Variants in TSHZ2 observed in about 807,000 individuals in gnomAD.
TSHZ2 encodes teashirt homolog 2.
A neutral mutation model predicts 74.4 loss-of-function variants in TSHZ2; 21 were observed. That is an observed-to-expected ratio of 0.28 (90% confidence interval 0.20 to 0.41). The LOEUF is 0.41. TSHZ2 is among the 10% of genes least tolerant of loss of function. The pLI is 1.00. For missense variants in TSHZ2, 1,244 were observed against 1,293.5 expected (o/e 0.96, Z 0.59); for synonymous variants, 540 against 515.3 (o/e 1.05, Z -0.65).
chr20:53,244,349 C>T (rs1393154219), intron 1 of TSHZ2, among the ~76,000 whole-genome samples: 4 of 152,138 alleles, frequency 2.6e-5, no homozygotes, highest in African/African-American at 7.2e-5. Flanking sequence ...AAAGTCAACA[C>T]CTAAAAATCT....
At chr20:53,088,815 C>T (rs951306261) in intron 1 of TSHZ2, among the ~76,000 whole-genome samples, 1 of 152,080 alleles carries the variant, frequency 6.6e-6, no homozygotes, top group Non-Finnish European at 1.5e-5. Context: ...ATCCAGAGTA[C>T]CACACAGCAA....
At chr20:53,189,068 T>C (rs1206650808) in intron 1 of TSHZ2, among the ~76,000 whole-genome samples, 2 of 152,224 alleles carry the variant, frequency 1.3e-5, no homozygotes, top group Non-Finnish European at 2.9e-5. Flanking sequence ...AGGATTTGCA[T>C]ATCATTTATT....
At chr20:53,206,182 G>T (rs892816035) in intron 1 of TSHZ2, among the ~76,000 whole-genome samples, 3 of 152,160 alleles carry the variant, frequency 2.0e-5, no homozygotes, top group Non-Finnish European at 2.9e-5. Flanking sequence ...TTGCACCGCT[G>T]CACTCCAGCC....
chr20:53,185,380 T>C (rs1480376133), intron 1 of TSHZ2: 1 of 1,229,652 alleles, frequency 8.1e-7, no homozygotes, highest in African/African-American at 1.5e-5. Context: ...AGCCTCTGAC[T>C]TAAGATGATG....
In TSHZ2 at chr20:53,086,217, G is replaced by A. The variant is rs138599288; in HGVS notation, c.40+112884G>A. Among the ~76,000 whole-genome samples, 744 of 152,330 alleles carry A rather than the reference G, an allele frequency of 4.9e-3. 2 individuals are homozygous for A. Among genetic ancestry groups the A allele is most frequent in the Non-Finnish European group, 8.3e-3 (564 of 68,026 alleles). On this transcript the variant is annotated intron_variant, in intron 1 of 2. Transcript: ENST00000371497. ...AACAACAAAAATGTCTAAGGAGGGC[G>A]CTGGCATAGACCAGGGAATTGATGC...
chr20:53,478,193 C>A (rs1986039048), intron 2 of TSHZ2, among the ~76,000 whole-genome samples: 1 of 150,718 alleles, frequency 6.6e-6, no homozygotes, highest in South Asian at 2.1e-4. Flanking sequence ...AATCATGCTG[C>A]TATAAAGACA....
At chr20:53,167,436 G>A (rs1988088673) in intron 1 of TSHZ2, among the ~76,000 whole-genome samples, 1 of 152,198 alleles carries the variant, frequency 6.6e-6, no homozygotes, top group African/African-American at 2.4e-5. Flanking sequence ...GTAGGAAGCA[G>A]GGAAGTCAGG....
chr20:53,425,234 A>G (rs1263782017), intron 2 of TSHZ2, among the ~76,000 whole-genome samples: 1 of 152,214 alleles, frequency 6.6e-6, no homozygotes, highest in Non-Finnish European at 1.5e-5. Flanking sequence ...GCAGAGCAGA[A>G]ATATAGTGCA....
rs148599040 is a variant in TSHZ2, at chr20:53,319,405, A to C, written c.*8+62834A>C. ...TGACACTCCCATTTTACAGATGAGG[A>C]AACTGAGTTTCAGAGAGTTTAAACA... On this transcript the variant is annotated intron_variant, in intron 2 of 2. Transcript: ENST00000371497. 7.2e-5 allele frequency among the ~76,000 whole-genome samples: 11 copies of C among 152,368 alleles called. No homozygotes were observed. In the East Asian group the frequency reaches 2.1e-3, roughly 29 times the overall value.
intron 2 of TSHZ2, among the ~76,000 whole-genome samples, chr20:53,453,428 A>C (rs1984892888): frequency 6.6e-6 from 1 of 152,178 alleles, no homozygotes; most frequent in Admixed American, 6.5e-5. Context: ...AACAACAACA[A>C]ATTAAATGTT....
chr20:53,176,815 T>C (rs1206003688), intron 1 of TSHZ2, among the ~76,000 whole-genome samples: 1 of 151,050 alleles, frequency 6.6e-6, no homozygotes, highest in African/African-American at 2.4e-5. Flanking sequence ...GCCTCCCGAG[T>C]AGCTGGGACT....
In TSHZ2 at chr20:53,350,552, G is replaced by A. The variant is rs150517898; in HGVS notation, c.*8+93981G>A. Among the ~76,000 whole-genome samples, 3 of 152,336 alleles carry A rather than the reference G, an allele frequency of 2.0e-5. No homozygotes were observed. In the East Asian group the frequency reaches 5.8e-4, roughly 29 times the overall value. On this transcript the variant is annotated intron_variant, in intron 2 of 2. Coordinates refer to ENST00000371497, the MANE Select transcript of TSHZ2 (RefSeq NM_173485.6). The stretch of plus-strand genomic sequence containing the variant: ...TGGCTGTAAGTTTCATTGTGACCTT[G>A]TATCCTACTTGATAGGTTTAAGATA...
chr20:53,188,470 G>A (rs954274638), intron 1 of TSHZ2, among the ~76,000 whole-genome samples: 2 of 152,142 alleles, frequency 1.3e-5, no homozygotes, highest in African/African-American at 2.4e-5. Flanking sequence ...GATTTCTCTA[G>A]GACAGAGAAG....
chr20:53,199,542 C>T (rs2123568738), intron 1 of TSHZ2, among the ~76,000 whole-genome samples: 1 of 152,322 alleles, frequency 6.6e-6, no homozygotes, highest in East Asian at 1.9e-4. Flanking sequence ...ACATCTTCTA[C>T]AGTCCCCAGT....
At chr20:53,158,435 C>T (rs1987848515) in intron 1 of TSHZ2, among the ~76,000 whole-genome samples, 2 of 152,060 alleles carry the variant, frequency 1.3e-5, no homozygotes, top group South Asian at 2.1e-4. Context: ...CTGTGGCAGT[C>T]GGTAGTGGCT....
chr20:53,400,788 G>A (rs1250379646), intron 2 of TSHZ2, among the ~76,000 whole-genome samples: 1 of 152,178 alleles, frequency 6.6e-6, no homozygotes, highest in Non-Finnish European at 1.5e-5. Flanking sequence ...GATGTGTTGT[G>A]TAACTTGGGC....
chr20:53,338,287 C>T (rs1378740912), intron 2 of TSHZ2, among the ~76,000 whole-genome samples: 1 of 152,136 alleles, frequency 6.6e-6, no homozygotes, highest in African/African-American at 2.4e-5. Context: ...TTTAACCCTG[C>T]CAAACCATCA....
chr20:53,469,866 A>AAGGC (rs1985738108), intron 2 of TSHZ2, among the ~76,000 whole-genome samples: 1 of 148,678 alleles, frequency 6.7e-6, no homozygotes, highest in Non-Finnish European at 1.5e-5. Flanking sequence ...GGAAGGAAGG[A>AAGGC]CCCAAGAAAG....
chr20:53,031,077 C>G (rs1432055748), intron 1 of TSHZ2, among the ~76,000 whole-genome samples: 1 of 152,112 alleles, frequency 6.6e-6, no homozygotes, highest in Non-Finnish European at 1.5e-5. Context: ...TCTTTGCACA[C>G]TTGTCTATTT....
Sources: gnomAD v4.1 joint callset for allele counts (sites outside exome capture counted in the v4.1 genomes callset) on GRCh38, gnomAD v4.1.1 for gene constraint, MANE v1.5 for transcripts, NCBI Gene and HGNC (gene_info 2026-07-23, HGNC 2026-07-21) for gene names.